CCKBR: variants seen among roughly 807,000 people sequenced by gnomAD.
CCKBR encodes gastrin/cholecystokinin type B receptor.
A neutral mutation model predicts 34.6 loss-of-function variants in CCKBR; 33 were observed. The observed-to-expected ratio is 0.95, with a 90% confidence interval of 0.72 to 1.27. The LOEUF is 1.27. Ranked by LOEUF, CCKBR falls within the 50% of genes most tolerant of loss-of-function variation. CCKBR has a pLI of 0.00. For synonymous variants in CCKBR, 269 were observed against 267.5 expected (o/e 1.01, Z -0.06); for missense variants, 652 against 617.4 (o/e 1.06, Z -0.59).
rs149197660 is a variant in CCKBR, at chr11:6,271,054, G to A, written c.855G>A (p.Ala285=). 20 of 1,614,058 alleles carry A rather than the reference G, an allele frequency of 1.2e-5. No individual in the cohort carries two copies. The highest frequency in any genetic ancestry group is 5.5e-5 in the South Asian group (5 of 91,092). The change falls in exon 5 of 5, where the codon GCG becomes GCA. Residue 285 remains alanine, a synonymous_variant. Transcript: ENST00000334619. The stretch of plus-strand genomic sequence containing the variant: ...GGCGTTGCCGGCCTGAGACTGGCGC[G>A]GTTGGCGAAGACAGCGATGGCTGCT... ...QNGRCRPETG[A]VGEDSDGCYV...
chr11:6,262,120 G>A (rs970106534), intron 1 of CCKBR, among the ~76,000 whole-genome samples: 16 of 152,190 alleles, frequency 1.1e-4, no homozygotes, highest in Admixed American at 1.0e-3. Context: ...TATAAATTCA[G>A]TTTGGAACCC....
At chr11:6,265,627 C>A (rs1848198540) in intron 1 of CCKBR, among the ~76,000 whole-genome samples, 1 of 152,156 alleles carries the variant, frequency 6.6e-6, no homozygotes, top group Admixed American at 6.5e-5. Context: ...TTTTCTGAGT[C>A]CAAGGACCTC....
At chr11:6,266,748 A>G (rs560707681) in intron 1 of CCKBR, among the ~76,000 whole-genome samples, 1 of 152,316 alleles carries the variant, frequency 6.6e-6, no homozygotes, top group South Asian at 2.1e-4. Context: ...TTATGAGAAA[A>G]TACAGTCATG....
At position 6,259,897 on chromosome 11, in the gene CCKBR, A is replaced by T. The variant is rs1177354664; in HGVS notation, c.-32A>T. ...GCCGCGTTGGGAGCCCGCCGGGTCG[A>T]GCTGAGTAAGGCGGCGGGCTCGGCG... is the stretch of plus-strand genomic sequence containing the variant. On this transcript the variant is annotated 5_prime_UTR_variant, in exon 1 of 5. Transcript: ENST00000334619. 1 of 1,406,550 alleles carries T rather than the reference A, an allele frequency of 7.1e-7. No homozygotes were observed. Among genetic ancestry groups the T allele is most frequent in the African/African-American group, 1.5e-5 (1 of 65,430 alleles). 87.1% of individuals were successfully genotyped at this position (1,406,550 alleles called of 1,614,324 possible).
chr11:6,269,143 GTGAAGTATTT>G (rs1186331969), intron 1 of CCKBR, among the ~76,000 whole-genome samples: 4 of 22,622 alleles, frequency 1.8e-4, no homozygotes, highest in East Asian at 4.1e-3. Context: ...TAGAGAGTAA[GTGAAGTATTT>G]TTTTTTTTTT....
chr11:6,259,993 G>T lies in CCKBR; in HGVS notation c.65G>T (p.Cys22Phe). 1.3e-6 allele frequency: 2 copies of T among 1,584,830 alleles called. No homozygotes were observed. The highest frequency in any genetic ancestry group is 8.6e-7 in the Non-Finnish European group (1 of 1,167,662). ...GGACCCGGGCCGGGGGCTTCCCTGT[G>T]CCGCCCGGGGGCGCCTCTCCTCAAC... ...GTGPGPGASL[C>F]RPGAPLLNSS... Residue 22 changes from cysteine (C) to phenylalanine (F), a missense_variant, in exon 1 of 5, where the codon TGC becomes TTC. Coordinates refer to ENST00000334619, the MANE Select transcript of CCKBR (RefSeq NM_176875.4).
chr11:6,270,357 A>G lies in CCKBR; in HGVS notation c.653+20A>G. On this transcript the variant is annotated intron_variant, in intron 3 of 4. Transcript: ENST00000334619. ...GACCTGGTGAGCTTGCCCATAAACT[A>G]TCCTAGGAATTCCTTTCTCACCCCT... 5 of 1,600,770 alleles carry G rather than the reference A, an allele frequency of 3.1e-6. No individual in the cohort carries two copies. Among genetic ancestry groups the G allele is most frequent in the Non-Finnish European group, 4.3e-6 (5 of 1,171,688 alleles).
chr11:6,261,855 T>C (rs141742375), intron 1 of CCKBR, among the ~76,000 whole-genome samples: 18 of 152,330 alleles, frequency 1.2e-4, no homozygotes, highest in Non-Finnish European at 2.5e-4. Context: ...ACAAGGTTAC[T>C]ATATTACACT....
chr11:6,266,958 CA>C (rs1848218587), intron 1 of CCKBR, among the ~76,000 whole-genome samples: 1 of 152,094 alleles, frequency 6.6e-6, no homozygotes, highest in Non-Finnish European at 1.5e-5. Flanking sequence ...AAGAGTAACA[CA>C]ATGTTATGTA....
intron 4 of CCKBR, 77 bp downstream of exon 4, chr11:6,270,880 G>A: frequency 1.2e-6 from 2 of 1,611,862 alleles, no homozygotes; most frequent in East Asian, 4.5e-5. Context: ...GAGTGGGTGG[G>A]ACTGAAATGA....
chr11:6,260,027 T>G lies in CCKBR; in HGVS notation c.99T>G (p.Ser33Arg), dbSNP rs1383319276. 5 of 1,596,406 alleles carry G rather than the reference T, an allele frequency of 3.1e-6. No individual in the cohort carries two copies. Among genetic ancestry groups the G allele is most frequent in the Non-Finnish European group, 3.4e-6 (4 of 1,172,864 alleles). The change falls in exon 1 of 5, where the codon AGT becomes AGG. Residue 33 changes from serine (S) to arginine (R), a missense_variant. By Grantham distance (110) the Ser-to-Arg change is moderately radical. Coordinates refer to ENST00000334619, the MANE Select transcript of CCKBR (RefSeq NM_176875.4). ...GGGCGCCTCTCCTCAACAGCAGCAG[T>G]GTGGGCAACCTCAGCTGCGAGCCCC... ...RPGAPLLNSS[S>R]VGNLSCEPPR...
chr11:6,261,854 C>T (rs1257480720), intron 1 of CCKBR, among the ~76,000 whole-genome samples: 1 of 152,140 alleles, frequency 6.6e-6, no homozygotes, highest in Non-Finnish European at 1.5e-5. Flanking sequence ...TACAAGGTTA[C>T]TATATTACAC....
intron 1 of CCKBR, among the ~76,000 whole-genome samples, chr11:6,263,944 A>G (rs1848172954): frequency 6.6e-6 from 1 of 152,234 alleles, no homozygotes; most frequent in Non-Finnish European, 1.5e-5. Flanking sequence ...TGAAGATGTT[A>G]CCTACAAAAT....
chr11:6,267,236 A>C (rs1047579087), intron 1 of CCKBR, among the ~76,000 whole-genome samples: 1 of 152,232 alleles, frequency 6.6e-6, no homozygotes, highest in Non-Finnish European at 1.5e-5. Context: ...TTACTTTATA[A>C]ACTTTTTGAC....
In CCKBR at chr11:6,259,962, G is replaced by T; in HGVS notation, c.34G>T (p.Gly12Ter). The change falls in exon 1 of 5, where the codon GGA becomes TGA. Residue 12 changes from glycine to a stop codon, truncating the protein, a stop_gained. Coordinates refer to ENST00000334619, the MANE Select transcript of CCKBR (RefSeq NM_176875.4). LOFTEE classifies it high-confidence loss of function. ...GCTAAAGCTGAACCGGAGCGTGCAG[G>T]GAACCGGACCCGGGCCGGGGGCTTC... Reference protein sequence around the residue: ...ELLKLNRSVQGTGPGPGASLC... With the variant: ...ELLKLNRSVQ 1 of 1,536,420 alleles carries T rather than the reference G, an allele frequency of 6.5e-7. No homozygotes were observed. The highest frequency in any genetic ancestry group is 8.7e-7 in the Non-Finnish European group (1 of 1,147,116).
chr11:6,261,462 T>TATATATATATATACACAC lies in CCKBR; in HGVS notation c.151+1384_151+1385insTATATATATATACACACA, dbSNP rs764173521. 2.7e-4 allele frequency among the ~76,000 whole-genome samples: 17 copies of TATATATATATATACACAC among 64,000 alleles called. No individual in the cohort carries two copies. In the East Asian group the frequency reaches 3.2e-3, roughly 12 times the overall value. The allele number at this position is 64,000 out of a possible 152,430, so 42.0% of individuals were successfully genotyped here. A position where few individuals can be genotyped will look rare whatever the true frequency, so the allele number is the denominator to read the frequency against. ...AAAAAAAAAAAAAAAAAAATATATA[T>TATATATATATATACACAC]ACACACACACACACACACACACACA... On this transcript the variant is annotated intron_variant, in intron 1 of 4. Coordinates refer to ENST00000334619, the MANE Select transcript of CCKBR (RefSeq NM_176875.4).
chr11:6,261,687 G>A (rs1848135901), intron 1 of CCKBR, among the ~76,000 whole-genome samples: 1 of 152,134 alleles, frequency 6.6e-6, no homozygotes. Flanking sequence ...GACCAGCCTA[G>A]AGGGTTTGCA....
At chr11:6,267,391 C>A (rs1016236153) in intron 1 of CCKBR, among the ~76,000 whole-genome samples, 2 of 151,482 alleles carry the variant, frequency 1.3e-5, no homozygotes, top group African/African-American at 4.9e-5. Context: ...AACCAAGACA[C>A]AAACACACAC....
Position 6,259,996 on chromosome 11 carries a change from G to T in CCKBR, c.68G>T (p.Arg23Leu). 3.8e-6 allele frequency: 6 copies of T among 1,585,452 alleles called. No individual in the cohort carries two copies. The highest frequency in any genetic ancestry group is 2.3e-5 in the South Asian group (2 of 88,080). Reference protein sequence around the residue: ...TGPGPGASLCRPGAPLLNSSS... With the variant: ...TGPGPGASLCLPGAPLLNSSS... ...CCCGGGCCGGGGGCTTCCCTGTGCC[G>T]CCCGGGGGCGCCTCTCCTCAACAGC... The change falls in exon 1 of 5, where the codon CGC (arginine) becomes CTC (leucine). Residue 23 changes from arginine (R) to leucine (L), a missense_variant. Physicochemically the swap from Arg to Leu is moderately radical, Grantham distance 102. Transcript: ENST00000334619.
Sources: gnomAD v4.1 joint callset for allele counts (sites outside exome capture counted in the v4.1 genomes callset) on GRCh38, gnomAD v4.1.1 for gene constraint, MANE v1.5 for transcripts, NCBI Gene and HGNC (gene_info 2026-07-23, HGNC 2026-07-21) for gene names.